The following TNFRSF8 variants were observed in gnomAD, a reference collection of about 807,000 sequenced individuals.
TNFRSF8 encodes TNF receptor superfamily member 8.
In TNFRSF8, 26 loss-of-function variants were observed where a neutral mutation model predicts 70.8. The ratio of observed to expected loss-of-function variants is 0.37; its 90% CI spans 0.27 to 0.51. The LOEUF (loss-of-function observed/expected upper bound fraction) is 0.51. Among genes scored for constraint, TNFRSF8 ranks in the 20% least tolerant of loss-of-function variants. TNFRSF8 has a pLI of 0.94. For missense variants in TNFRSF8, 720 were observed against 807.9 expected (o/e 0.89, Z 1.32); for synonymous variants, 356 against 339.2 (o/e 1.05, Z -0.54).
chr1:12,064,059 T>C (rs1334820989), intron 1 of TNFRSF8, among the ~76,000 whole-genome samples: 2 of 152,072 alleles, frequency 1.3e-5, no homozygotes, highest in African/African-American at 4.8e-5. Flanking sequence ...AGGTTGGTCG[T>C]CCGCGCTCTA....
In TNFRSF8 at chr1:12,123,270, C is replaced by T. The variant is rs141485122; in HGVS notation, c.947-14C>T. Reference sequence around the variant, plus strand: ...CCTTGGCGCTGGTTCTCAGATGTTACGTCCCCTCTGCAGATATGGCTGAGA... The same window carrying T: ...CCTTGGCGCTGGTTCTCAGATGTTATGTCCCCTCTGCAGATATGGCTGAGA... On this transcript the variant is annotated splice_polypyrimidine_tract_variant and intron_variant, in intron 8 of 14. Coordinates refer to ENST00000263932, the MANE Select transcript of TNFRSF8 (RefSeq NM_001243.5). The T allele has an allele frequency of 3.5e-4, 567 of 1,605,608 alleles. No individual in the cohort carries two copies. Among genetic ancestry groups the T allele is most frequent in the Non-Finnish European group, 4.3e-4 (507 of 1,175,962 alleles).
At position 12,088,331 on chromosome 1, in the gene TNFRSF8, AG is replaced by A. The variant is rs34475937; in HGVS notation, c.151+3781del. Among the ~76,000 whole-genome samples, 67,633 of 139,198 alleles carry A rather than the reference AG, an allele frequency of 0.49. 15,635 individuals carry two copies. Among genetic ancestry groups the A allele is most frequent in the Middle Eastern group, 0.58 (166 of 286 alleles). 91.3% of individuals were successfully genotyped at this position (139,198 alleles called of 152,430 possible). On this transcript the variant is annotated intron_variant, in intron 2 of 14. Transcript: ENST00000263932. The surrounding 1 kb of genome is among the most constrained non-coding windows in gnomAD (Gnocchi z 4.0). ...TGTGCTGGGCCCTTTACCGACCTTA[AG>A]TTCCTTCAATCCTGATAAGAAATCC...
intron 1 of TNFRSF8, among the ~76,000 whole-genome samples, chr1:12,079,127 CTCG>C (rs1641018711): frequency 6.6e-6 from 1 of 152,222 alleles, no homozygotes; most frequent in Non-Finnish European, 1.5e-5. Flanking sequence ...AACTTCTAGA[CTCG>C]TCTCCCACAG....
chr1:12,071,758 T>G (rs1640851185), intron 1 of TNFRSF8, among the ~76,000 whole-genome samples: 1 of 152,196 alleles, frequency 6.6e-6, no homozygotes, highest in Non-Finnish European at 1.5e-5. Flanking sequence ...CAGACAGGTT[T>G]CACCATGTTG....
At position 12,131,342 on chromosome 1, in the gene TNFRSF8, C is replaced by T. The variant is rs151000109; in HGVS notation, c.1310-4246C>T. ...GCACACACCTGTAATCCCAGCTACT[C>T]GGGAGGCTGAGGCAGGAGAATTTCT... On this transcript the variant is annotated intron_variant, in intron 12 of 14. Transcript: ENST00000263932. Among the ~76,000 whole-genome samples the T allele has an allele frequency of 8.2e-3, 1,254 of 152,046 alleles. 24 individuals are homozygous for T. The highest frequency in any genetic ancestry group is 0.029 in the African/African-American group (1,214 of 41,474).
intron 12 of TNFRSF8, among the ~76,000 whole-genome samples, chr1:12,130,495 T>A (rs921290423): frequency 7.2e-5 from 11 of 152,330 alleles, no homozygotes; most frequent in Middle Eastern, 3.4e-3. Context: ...GGGGTTTGCA[T>A]CTCGGGGTAC....
intron 1 of TNFRSF8, among the ~76,000 whole-genome samples, chr1:12,074,478 C>T (rs922148008): frequency 4.6e-5 from 7 of 152,016 alleles, no homozygotes; most frequent in African/African-American, 1.7e-4. Context: ...GGGGGTTTCG[C>T]TGTATTGGCC....
intron 1 of TNFRSF8, among the ~76,000 whole-genome samples, chr1:12,071,147 T>C (rs1569977793): frequency 6.6e-6 from 1 of 152,304 alleles, no homozygotes; most frequent in East Asian, 1.9e-4. Flanking sequence ...GGTATTGTCT[T>C]ATAGCCCTGG....
rs1481162513 is a variant in TNFRSF8, at chr1:12,109,198, C to T, written c.422-368C>T. ...AAAACCAAAACCTTTAAATCCCAAA[C>T]CAGAATCTTTAAATTCTACCTCACA... On this transcript the variant is annotated intron_variant, in intron 4 of 14. Transcript: ENST00000263932. This position sits in a 1 kb window ranked among gnomAD's most constrained non-coding sequence, Gnocchi z 4.4. Among the ~76,000 whole-genome samples the T allele has an allele frequency of 1.3e-5, 2 of 152,202 alleles. No homozygotes were observed. Among genetic ancestry groups the T allele is most frequent in the Non-Finnish European group, 2.9e-5 (2 of 68,044 alleles).
intron 13 of TNFRSF8, among the ~76,000 whole-genome samples, chr1:12,136,082 T>C (rs539622561): frequency 1.1e-3 from 167 of 151,954 alleles, no homozygotes; most frequent in African/African-American, 3.7e-3. Context: ...TTTTTTTTTT[T>C]CCCCATCTGT....
chr1:12,085,034 G>A lies in TNFRSF8; in HGVS notation c.151+483G>A, dbSNP rs151309080. ...AGGGCTCAGAGACCTCAAAGCCTGG[G>A]CTGTCAACATCCTCTGACCACCCTT... On this transcript the variant is annotated intron_variant, in intron 2 of 14. Coordinates refer to ENST00000263932, the MANE Select transcript of TNFRSF8 (RefSeq NM_001243.5). 9.5e-3 allele frequency among the ~76,000 whole-genome samples: 1,446 copies of A among 152,304 alleles called. 29 individuals are homozygous for A. Among genetic ancestry groups the A allele is most frequent in the African/African-American group, 0.033 (1,366 of 41,562 alleles).
chr1:12,084,109 T>C (rs933079492), intron 1 of TNFRSF8, among the ~76,000 whole-genome samples: 1 of 152,190 alleles, frequency 6.6e-6, no homozygotes, highest in Non-Finnish European at 1.5e-5. Flanking sequence ...AAATTTGTAT[T>C]GTTGGGCCCA....
chr1:12,134,384 C>T (rs896271751), intron 12 of TNFRSF8, among the ~76,000 whole-genome samples: 18 of 152,170 alleles, frequency 1.2e-4, no homozygotes. Flanking sequence ...CTGACTTGCT[C>T]CAGGATGAGT....
At chr1:12,128,090 C>T (rs549974189) in intron 12 of TNFRSF8, among the ~76,000 whole-genome samples, 93 of 152,302 alleles carry the variant, frequency 6.1e-4, no homozygotes, top group Non-Finnish European at 1.1e-3. Flanking sequence ...CCTCCTGAGC[C>T]GTGGGTGGTG....
At chr1:12,083,705 G>A (rs1641104113) in intron 1 of TNFRSF8, among the ~76,000 whole-genome samples, 1 of 152,128 alleles carries the variant, frequency 6.6e-6, no homozygotes, top group Non-Finnish European at 1.5e-5. Context: ...AAAAAAAAGA[G>A]AGTAGACTAG....
intron 2 of TNFRSF8, among the ~76,000 whole-genome samples, chr1:12,095,380 C>T (rs1198430268): frequency 3.9e-5 from 6 of 151,912 alleles, no homozygotes; most frequent in Non-Finnish European, 8.8e-5. Context: ...CTCCGCCTCC[C>T]GGGTTCAAGT....
chr1:12,067,080 C>T (rs781116812), intron 1 of TNFRSF8, among the ~76,000 whole-genome samples: 7 of 152,218 alleles, frequency 4.6e-5, no homozygotes, highest in Non-Finnish European at 1.0e-4. Context: ...TGCTTCGTAT[C>T]ACTGTCTTGT....
intron 4 of TNFRSF8, among the ~76,000 whole-genome samples, chr1:12,104,882 C>G (rs537751992): frequency 2.6e-5 from 4 of 152,186 alleles, no homozygotes; most frequent in Non-Finnish European, 5.9e-5. Flanking sequence ...TTGGGGTTGG[C>G]TTCCCCCTTT....
intron 3 of TNFRSF8, among the ~76,000 whole-genome samples, chr1:12,102,512 CA>C (rs34461009): frequency 0.014 from 2,122 of 152,164 alleles, 63 homozygotes; most frequent in African/African-American, 0.049. Context: ...TTAGTTTTAC[CA>C]GTGCTATTTT....
Sources: allele counts gnomAD v4.1 joint callset (sites outside exome capture counted in the v4.1 genomes callset), GRCh38; gene constraint gnomAD v4.1.1; non-coding constraint Gnocchi (gnomAD v3.1); transcripts MANE v1.5; gene names NCBI Gene and HGNC (gene_info 2026-07-23, HGNC 2026-07-21).